Variants in RGMB observed in about 807,000 individuals in gnomAD.
RGMB encodes the protein repulsive guidance molecule B.
In RGMB, 16 loss-of-function variants were observed where a neutral mutation model predicts 26.9. The ratio of observed to expected loss-of-function variants is 0.60; its 90% CI spans 0.40 to 0.90. RGMB has a LOEUF of 0.90. RGMB is among the 40% of genes least tolerant of loss of function. The pLI is 0.00. For synonymous variants in RGMB, 225 were observed against 229.3 expected (o/e 0.98, Z 0.17); for missense variants, 512 against 573.3 (o/e 0.89, Z 1.09).
intron 2 of RGMB, among the ~76,000 whole-genome samples, chr5:98,792,281 G>A (rs1416727836): frequency 6.6e-6 from 1 of 152,146 alleles, no homozygotes; most frequent in East Asian, 1.9e-4. Flanking sequence ...ATCCTATGAA[G>A]AATCTTGGTA....
chr5:98,768,751 G>A (rs1746056025), upstream of RGMB: 1 of 152,288 alleles, frequency 6.6e-6, no homozygotes. Context: ...TAGGTGGTCA[G>A]GTAAGATCGC....
At chr5:98,770,694 T>G, upstream of RGMB, 1 of 1,425,316 alleles carries the variant, frequency 7.0e-7, no homozygotes, top group Non-Finnish European at 9.3e-7. Flanking sequence ...GCACTTGATT[T>G]CTCAAGTCGC....
intron 2 of RGMB, among the ~76,000 whole-genome samples, chr5:98,785,136 T>TA (rs981515020): frequency 1.3e-5 from 2 of 152,186 alleles, no homozygotes; most frequent in African/African-American, 4.8e-5. Flanking sequence ...ATTTTGCAGT[T>TA]ACACCTCCCT....
chr5:98,782,738 G>C (rs1221822408), intron 2 of RGMB, among the ~76,000 whole-genome samples: 2 of 152,004 alleles, frequency 1.3e-5, no homozygotes, highest in African/African-American at 2.4e-5. Context: ...TAGACCCCAG[G>C]GTATTTTGCT....
At chr5:98,790,255 T>C (rs1435869630) in intron 2 of RGMB, among the ~76,000 whole-genome samples, 1 of 152,226 alleles carries the variant, frequency 6.6e-6, no homozygotes, top group African/African-American at 2.4e-5. Context: ...AACCCACTCA[T>C]GCTTTACAAT....
upstream of RGMB, among the ~76,000 whole-genome samples, chr5:98,772,172 G>A (rs1508793): frequency 0.58 from 88,198 of 152,094 alleles, 25,966 homozygotes; most frequent in East Asian, 0.7. Context: ...ATTATTAAGC[G>A]TATTATGGAT....
intron 1 of RGMB, among the ~76,000 whole-genome samples, chr5:98,777,110 A>G (rs982274534): frequency 4.0e-5 from 6 of 151,806 alleles, no homozygotes; most frequent in African/African-American, 1.2e-4. Context: ...AGGAAAGGAA[A>G]AGGTTTGGGG....
rs1746268796 is a variant in RGMB, at chr5:98,773,801, TTG to T, written c.-266_-265del. On this transcript the variant is annotated 5_prime_UTR_variant, in exon 1 of 3. Coordinates refer to ENST00000513185, the MANE Select transcript of RGMB (RefSeq NM_001366508.1). Reference sequence around the variant, plus strand: ...TCGTCTCAGCAGTCGCTCACGGTCTTTGTGTCTTCTCTTCCGCCCCTTTCCCT... The same window carrying T: ...TCGTCTCAGCAGTCGCTCACGGTCTTTGTCTTCTCTTCCGCCCCTTTCCCT... 2.2e-6 allele frequency: 1 copy of T among 446,140 alleles called. No individual in the cohort carries two copies. Among genetic ancestry groups the T allele is most frequent in the Non-Finnish European group, 3.9e-6 (1 of 257,208 alleles). The allele number at this position is 446,140 out of a possible 1,614,324, so 27.6% of individuals were successfully genotyped here.
chr5:98,784,847 CTG>C (rs537196180), intron 2 of RGMB, among the ~76,000 whole-genome samples: 9 of 152,122 alleles, frequency 5.9e-5, no homozygotes, highest in Admixed American at 5.9e-4. Flanking sequence ...TCTATGGACA[CTG>C]TTCTTGCATG....
At position 98,794,496 on chromosome 5, in the gene RGMB, T is replaced by C. The variant is rs548050231; in HGVS notation, c.*743T>C. ...AAAGGGTCTAGTGATGGAAGTTTTG[T>C]AGATAAGTACCAGGCATCTCAGTAA... On this transcript the variant is annotated 3_prime_UTR_variant, in exon 3 of 3. Coordinates refer to ENST00000513185, the MANE Select transcript of RGMB (RefSeq NM_001366508.1). 6.6e-6 allele frequency: 1 copy of C among 152,376 alleles called. No individual in the cohort carries two copies. The highest frequency in any genetic ancestry group is 1.5e-5 in the Non-Finnish European group (1 of 68,040). The allele number at this position is 152,376 out of a possible 1,614,324, so 9.4% of individuals were successfully genotyped here.
upstream of RGMB, among the ~76,000 whole-genome samples, chr5:98,772,392 A>G (rs1010776630): frequency 6.6e-6 from 1 of 152,230 alleles, no homozygotes; most frequent in Non-Finnish European, 1.5e-5. Flanking sequence ...TAGTCCATTG[A>G]TTAGCTCATT....
rs149183498 is a variant in RGMB at position 98,782,560 on chromosome 5, C to T, written c.645+2472C>T. Reference sequence around the variant, plus strand: ...AGTTGTTGGGTAACCTAGTACTGTGCCTTGTAGATACCAGATCATCCTTGT... The same window carrying T: ...AGTTGTTGGGTAACCTAGTACTGTGTCTTGTAGATACCAGATCATCCTTGT... On this transcript the variant is annotated intron_variant, in intron 2 of 2. Coordinates refer to ENST00000513185, the MANE Select transcript of RGMB (RefSeq NM_001366508.1). 6.8e-3 allele frequency among the ~76,000 whole-genome samples: 1,036 copies of T among 152,236 alleles called. 7 individuals carry two copies. The highest frequency in any genetic ancestry group is 0.025 in the South Asian group (121 of 4,826).
chr5:98,784,441 A>G (rs1441989911), intron 2 of RGMB, among the ~76,000 whole-genome samples: 1 of 152,186 alleles, frequency 6.6e-6, no homozygotes, highest in African/African-American at 2.4e-5. Flanking sequence ...TCTGTAACCT[A>G]CAGTTTTCCA....
In RGMB at chr5:98,793,726, C is replaced by T. The variant is rs1207711158; in HGVS notation, c.1287C>T (p.Thr429=). 1 of 1,591,688 alleles carries T rather than the reference C, an allele frequency of 6.3e-7. No homozygotes were observed. Among genetic ancestry groups the T allele is most frequent in the Non-Finnish European group, 8.6e-7 (1 of 1,167,504 alleles). The stretch of plus-strand genomic sequence containing the variant: ...ATTTGTCTGTCAGTCTAGGACTCAC[C>T]TGCTTGATCCTTATCGTGTTTTTGT... ...GSDLSVSLGL[T]CLILIVFL is the part of the protein sequence containing the mutation. The change falls in exon 3 of 3, where the codon ACC becomes ACT. Residue 429 remains threonine, a synonymous_variant. Coordinates refer to ENST00000513185, the MANE Select transcript of RGMB (RefSeq NM_001366508.1).
chr5:98,772,577 C>T (rs973294878), upstream of RGMB: 2 of 152,194 alleles, frequency 1.3e-5, no homozygotes, highest in African/African-American at 4.8e-5. Context: ...AAGTGTCTCT[C>T]AGCCTTGAGG....
chr5:98,785,414 G>C (rs1011410227), intron 2 of RGMB, among the ~76,000 whole-genome samples: 12 of 152,158 alleles, frequency 7.9e-5, no homozygotes, highest in African/African-American at 2.9e-4. Flanking sequence ...GTTGGCAGGG[G>C]TGTCAAGAAG....
rs1747065600 is a variant in RGMB at position 98,794,866 on chromosome 5, C to G, written c.*1113C>G. On this transcript the variant is annotated 3_prime_UTR_variant, in exon 3 of 3. Coordinates refer to ENST00000513185, the MANE Select transcript of RGMB (RefSeq NM_001366508.1). ...ATCTTCATCACAGTCTTTGATATGT[C>G]TGCATGCAAAGTGGAACAGAGTTGG... is the stretch of plus-strand genomic sequence containing the variant. The G allele has an allele frequency of 6.6e-6, 1 of 152,244 alleles. No homozygotes were observed. Among genetic ancestry groups the G allele is most frequent in the African/African-American group, 2.4e-5 (1 of 41,456 alleles). The allele number at this position is 152,244 out of a possible 1,614,324, so 9.4% of individuals were successfully genotyped here.
chr5:98,786,518 G>A (rs924909107), intron 2 of RGMB, among the ~76,000 whole-genome samples: 14 of 152,116 alleles, frequency 9.2e-5, no homozygotes, highest in Non-Finnish European at 1.8e-4. Flanking sequence ...TCCTTTTTTT[G>A]TTGGCTTCTA....
chr5:98,790,966 A>T (rs1203990418), intron 2 of RGMB, among the ~76,000 whole-genome samples: 2 of 152,096 alleles, frequency 1.3e-5, no homozygotes, highest in Admixed American at 1.3e-4. Context: ...CAATCTTTTC[A>T]TCTCCAAGGG....
Sources: gnomAD v4.1 joint callset for allele counts (sites outside exome capture counted in the v4.1 genomes callset) on GRCh38, gnomAD v4.1.1 for gene constraint, MANE v1.5 for transcripts, NCBI Gene and HGNC (gene_info 2026-07-23, HGNC 2026-07-21) for gene names.